Variants in MSLN observed in about 807,000 individuals in gnomAD.
The protein encoded by MSLN is CAK1 antigen.
Under a neutral mutation model 72.6 loss-of-function variants are expected in MSLN, and 82 were observed. The observed-to-expected ratio is 1.13, with a 90% CI of 0.94 to 1.36. MSLN has a LOEUF of 1.36. Ranked by LOEUF, MSLN falls within the 40% of genes most tolerant of loss-of-function variation. MSLN has a pLI of 0.00. For missense variants in MSLN, 1,005 were observed against 847.9 expected (o/e 1.19, Z -2.30); for synonymous variants, 456 against 387.3 (o/e 1.18, Z -2.08).
In MSLN at chr16:766,888, G is replaced by T; in HGVS notation, c.1377G>T (p.Ala459=). 6.2e-7 allele frequency: 1 copy of T among 1,612,524 alleles called. No homozygotes were observed. Among genetic ancestry groups the T allele is most frequent in the East Asian group, 2.2e-5 (1 of 44,878 alleles). The change falls in exon 15 of 18, where the codon GCG becomes GCT. Residue 459 remains alanine, a synonymous_variant. Transcript: ENST00000545450. ...LSSVPPSSIW[A]VRPQDLDTCD... ...TGTCCACCCACCGTGTCCCCAGGGC[G>T]GTCAGGCCCCAGGACCTGGACACGT...
At position 765,299 on chromosome 16, in the gene MSLN, T is replaced by C; in HGVS notation, c.700T>C (p.Tyr234His). 1 of 1,569,996 alleles carries C rather than the reference T, an allele frequency of 6.4e-7. No homozygotes were observed. Among genetic ancestry groups the C allele is most frequent in the East Asian group, 2.3e-5 (1 of 43,890 alleles). The change falls in exon 9 of 18, where the codon TAC becomes CAC. Residue 234 changes from tyrosine (Y) to histidine (H), a missense_variant. Tyr to His is a moderately conservative substitution (Grantham distance 83). Transcript: ENST00000545450. ...GGCTCTGCAGGGCGGGGGACCCCCC[T>C]ACGGGTAAGTGAAGGTGTCTGGAAC... ...RAALQGGGPPYGPPSTWSVST... is the reference protein window; with the variant it reads ...RAALQGGGPPHGPPSTWSVST...
chr16:764,379 C>G (rs1274229997), intron 6 of MSLN, among the ~76,000 whole-genome samples: 1 of 152,210 alleles, frequency 6.6e-6, no homozygotes, highest in Non-Finnish European at 1.5e-5. Flanking sequence ...TGGGCCCCCT[C>G]CTGGAGCGCC....
At chr16:766,013 G>T (rs377270439) in intron 11 of MSLN, 46 bp from the exon 12 acceptor site, 67 of 1,541,256 alleles carry the variant, frequency 4.3e-5, no homozygotes, top group Middle Eastern at 1.9e-4. Context: ...AGGAAGAAGG[G>T]GTCAAACGAA....
At position 768,792 on chromosome 16, in the gene MSLN, G is replaced by A; in HGVS notation, c.*59G>A. 6.5e-7 allele frequency: 1 copy of A among 1,545,246 alleles called. No homozygotes were observed. Among genetic ancestry groups the A allele is most frequent in the Non-Finnish European group, 8.9e-7 (1 of 1,127,030 alleles). ...GGGGATCCCCGCCTGGCCAGGAGCA[G>A]GCACGGGTGGTCCCCGTTCCACCCC... On this transcript the variant is annotated 3_prime_UTR_variant, in exon 18 of 18. Transcript: ENST00000545450.
chr16:768,577 G>A lies in MSLN; in HGVS notation c.1783+12G>A, dbSNP rs752071818. 3.4e-5 allele frequency: 55 copies of A among 1,608,172 alleles called. No individual in the cohort carries two copies. The highest frequency in any genetic ancestry group is 3.3e-4 in the Middle Eastern group (2 of 6,030). ...CCTCAGCATGCAAGGTGGGCGGGGC[G>A]GCCAGGCCAGGGCTGGGGGCAGAGC... On this transcript the variant is annotated intron_variant, in intron 17 of 17. Coordinates refer to ENST00000545450, the MANE Select transcript of MSLN (RefSeq NM_005823.6).
intron 11 of MSLN, 34 bp downstream of exon 11, chr16:765,824 G>A: frequency 6.4e-7 from 1 of 1,573,844 alleles, no homozygotes; most frequent in East Asian, 2.3e-5. Context: ...CTGGCACCAG[G>A]CTGGGCAGCA....
rs375642140 is a variant in MSLN, at chr16:764,009, G to A, written c.180-14G>A. 1.2e-5 allele frequency: 19 copies of A among 1,596,698 alleles called. No individual in the cohort carries two copies. Among genetic ancestry groups the A allele is most frequent in the East Asian group, 6.7e-5 (3 of 44,750 alleles). On this transcript the variant is annotated splice_polypyrimidine_tract_variant and intron_variant, in intron 5 of 17. Transcript: ENST00000545450. ...AGGGGCGATCGTGGGTGCCCAGCCC[G>A]ACCCTTCCTGCAGCCTCTCCCCTCG...
Position 764,680 on chromosome 16 carries a change from C to A in MSLN, c.334C>A (p.Pro112Thr), listed in dbSNP as rs779862936. 6.2e-7 allele frequency: 1 copy of A among 1,612,546 alleles called. No homozygotes were observed. Among genetic ancestry groups the A allele is most frequent in the South Asian group, 1.1e-5 (1 of 91,078 alleles). ...RCLAHRLSEP[P>T]EDLDALPLDL... ...TCTGGCTCACCGGCTCTCTGAGCCC[C>A]CCGAGGACCTGGACGCCCTCCCATT... Residue 112 changes from proline (P) to threonine (T), a missense_variant, in exon 7 of 18, where the codon CCC becomes ACC. Physicochemically the swap from Pro to Thr is conservative, Grantham distance 38. Transcript: ENST00000545450.
At chr16:762,228 T>G (rs1439806910) in intron 2 of MSLN, among the ~76,000 whole-genome samples, 2 of 151,938 alleles carry the variant, frequency 1.3e-5, no homozygotes, top group African/African-American at 4.8e-5. Flanking sequence ...GAGCCTGGGG[T>G]GTTCACAAAG....
rs746633361 is a variant in MSLN, at chr16:764,898, T to G, written c.381-9T>G. On this transcript the variant is annotated splice_polypyrimidine_tract_variant and intron_variant, in intron 7 of 17. Transcript: ENST00000545450. ...AGTGCGGCCTGTCCCCAGCACCCTC[T>G]CTTCACAGCCCAGATGCGTTCTCGG... 47 of 1,610,660 alleles carry G rather than the reference T, an allele frequency of 2.9e-5. 2 individuals are homozygous for G. The South Asian group carries it at 4.1e-4, about 14-fold the overall frequency.
chr16:763,729 T>C, intron 5 of MSLN, 38 bp downstream of exon 5: 1 of 1,555,452 alleles, frequency 6.4e-7, no homozygotes, highest in Non-Finnish European at 8.7e-7. Flanking sequence ...AGGGTGAGGC[T>C]CGAGGGGCCC....
At chr16:764,549 C>T (rs2041578226) in intron 6 of MSLN, 98 bp from the exon 7 acceptor site, 3 of 1,006,416 alleles carry the variant, frequency 3.0e-6, no homozygotes, top group Non-Finnish European at 4.7e-6. Flanking sequence ...GTGGCCAGGG[C>T]AGGGGTGTGT....
chr16:764,101 T>C lies in MSLN; in HGVS notation c.258T>C (p.Ala86=). ...GLSTERVREL[A]VALAQKNVKL... ...GCACGGAGCGTGTCCGGGAGCTGGCTGTGGCCTTGGCACAGAAGAATGTCA... is the reference window on the plus strand; with the variant it reads ...GCACGGAGCGTGTCCGGGAGCTGGCCGTGGCCTTGGCACAGAAGAATGTCA... The change falls in exon 6 of 18, where the codon GCT becomes GCC. Residue 86 remains alanine (A), a synonymous_variant. Transcript: ENST00000545450. 6.2e-7 allele frequency: 1 copy of C among 1,606,580 alleles called. No homozygotes were observed. The highest frequency in any genetic ancestry group is 1.1e-5 in the South Asian group (1 of 91,078).
chr16:768,456 G>T lies in MSLN; in HGVS notation c.1674G>T (p.Pro558=). The change falls in exon 17 of 18, where the codon CCG becomes CCT. Residue 558 remains proline, a synonymous_variant. Transcript: ENST00000545450. The part of the protein sequence containing the change: ...EGLKAEERHR[P]VRDWILRQRQ... Reference sequence around the variant, plus strand: ...TGAAGGCGGAGGAGCGGCACCGCCCGGTGCGGGACTGGATCCTACGGCAGC... The same window carrying T: ...TGAAGGCGGAGGAGCGGCACCGCCCTGTGCGGGACTGGATCCTACGGCAGC... 4 of 1,542,624 alleles carry T rather than the reference G, an allele frequency of 2.6e-6. No individual in the cohort carries two copies. Among genetic ancestry groups the T allele is most frequent in the Non-Finnish European group, 3.5e-6 (4 of 1,141,048 alleles).
In MSLN at chr16:768,667, C is replaced by A. The variant is rs1354464113; in HGVS notation, c.1803C>A (p.Pro601=). ...LSMQEALSGT[P]CLLGPGPVLT... is the part of the protein sequence containing the mutation. ...CTGTAGAGGCCCTCTCGGGGACGCC[C>A]TGCCTCCTAGGACCTGGACCTGTTC... The change falls in exon 18 of 18, where the codon CCC becomes CCA. Residue 601 remains proline (P), a synonymous_variant. Transcript: ENST00000545450. The A allele has an allele frequency of 6.2e-7, 1 of 1,611,062 alleles. No individual in the cohort carries two copies. Among genetic ancestry groups the A allele is most frequent in the Non-Finnish European group, 8.5e-7 (1 of 1,179,558 alleles).
chr16:763,179 G>C, intron 3 of MSLN, 54 bp from the exon 4 acceptor site: 8 of 1,265,888 alleles, frequency 6.3e-6, no homozygotes, highest in Non-Finnish European at 8.9e-6. Context: ...CCTGGGTCAG[G>C]GCACAGCCCA....
Position 766,072 on chromosome 16 carries a change from T to C in MSLN, c.909T>C (p.Pro303=), listed in dbSNP as rs3765320. 0.015 allele frequency: 23,384 copies of C among 1,610,492 alleles called. 1,290 individuals are homozygous for C. Among genetic ancestry groups the C allele is most frequent in the South Asian group, 0.14 (12,818 of 90,940 alleles). The part of the protein sequence containing the change: ...FRREVEKTAC[P]SGKKAREIDE... ...TGTGCCCTGCAGAGACAGCCTGTCCTTCAGGCAAGAAGGCCCGCGAGATAG... is the reference window on the plus strand; with the variant it reads ...TGTGCCCTGCAGAGACAGCCTGTCCCTCAGGCAAGAAGGCCCGCGAGATAG... Residue 303 remains proline (P), a synonymous_variant, in exon 12 of 18, where the codon CCT becomes CCC. Coordinates refer to ENST00000545450, the MANE Select transcript of MSLN (RefSeq NM_005823.6).
chr16:765,556 T>C lies in MSLN; in HGVS notation c.734T>C (p.Met245Thr), dbSNP rs1433452191. The C allele has an allele frequency of 6.2e-7, 1 of 1,607,044 alleles. No individual in the cohort carries two copies. ...CCGTCGACATGGTCTGTCTCCACGA[T>C]GGACGCTCTGCGGGGCCTGCTGCCC... is the stretch of plus-strand genomic sequence containing the variant. Reference protein sequence around the residue: ...GPPSTWSVSTMDALRGLLPVL... With the variant: ...GPPSTWSVSTTDALRGLLPVL... The change falls in exon 10 of 18, where the codon ATG (methionine) becomes ACG (threonine). Residue 245 changes from methionine (M) to threonine (T), a missense_variant. Physicochemically the swap from Met to Thr is moderately conservative, Grantham distance 81. Coordinates refer to ENST00000545450, the MANE Select transcript of MSLN (RefSeq NM_005823.6).
At position 766,453 on chromosome 16, in the gene MSLN, T is replaced by C. The variant is rs147434231; in HGVS notation, c.1193T>C (p.Leu398Ser). 18 of 1,612,540 alleles carry C rather than the reference T, an allele frequency of 1.1e-5. 1 individual carries two copies. The highest frequency in any genetic ancestry group is 7.7e-5 in the South Asian group (7 of 91,082). Residue 398 changes from leucine (L) to serine (S), a missense_variant, in exon 13 of 18, where the codon TTG becomes TCG. Transcript: ENST00000545450. ...NVTSLETLKA[L>S]LEVNKGHEMS... ...ACGTCCCTGGAGACCCTGAAGGCTT[T>C]GCTTGAAGTCAACAAAGGGCACGAA...
Sources: allele counts gnomAD v4.1 joint callset (sites outside exome capture counted in the v4.1 genomes callset), GRCh38; gene constraint gnomAD v4.1.1; transcripts MANE v1.5; gene names NCBI Gene and HGNC (gene_info 2026-07-23, HGNC 2026-07-21).